The following ADAM2 variants were observed in gnomAD, a reference collection of about 807,000 sequenced individuals.
The protein encoded by ADAM2 is disintegrin and metalloproteinase domain-containing protein 2.
Under a neutral mutation model 99.3 loss-of-function variants are expected in ADAM2, and 101 were observed. The ratio of observed to expected loss-of-function variants is 1.02; its 90% confidence interval spans 0.87 to 1.20. ADAM2 has a LOEUF of 1.20. Among genes scored for constraint, ADAM2 ranks in the 50% most tolerant of loss-of-function variants. ADAM2 has a pLI of 0.00. For missense variants in ADAM2, 948 were observed against 878.7 expected (o/e 1.08, Z -1.00); for synonymous variants, 323 against 287.6 (o/e 1.12, Z -1.25).
In ADAM2 at chr8:39,766,997, T is replaced by C; in HGVS notation, c.1358A>G (p.Asp453Gly). The C allele has an allele frequency of 6.2e-7, 1 of 1,614,064 alleles. No individual in the cohort carries two copies. Among genetic ancestry groups the C allele is most frequent in the Middle Eastern group, 1.6e-4 (1 of 6,062 alleles). Residue 453 changes from aspartate to glycine, a missense_variant, in exon 14 of 21, where the codon GAC (aspartate) becomes GGC (glycine). Physicochemically the swap from Asp to Gly is moderately conservative, Grantham distance 94. Transcript: ENST00000265708. The part of the protein sequence containing the change: ...RMCRPSFEEC[D>G]LPEYCNGSSA... Reference sequence around the variant, plus strand: ...TGATCCATTGCAATATTCAGGGAGGTCGCATTCTTCAAAGGAAGGCCTACA... The same window carrying C: ...TGATCCATTGCAATATTCAGGGAGGCCGCATTCTTCAAAGGAAGGCCTACA...
At chr8:39,754,680 C>G (rs1273173509) in intron 16 of ADAM2, among the ~76,000 whole-genome samples, 1 of 152,146 alleles carries the variant, frequency 6.6e-6, no homozygotes, top group Non-Finnish European at 1.5e-5. Flanking sequence ...GTAAAGTTAG[C>G]ATAGTTTTCC....
At chr8:39,784,023 G>GTTTTTGGTTTTGGTTT (rs1477245528) in intron 10 of ADAM2, among the ~76,000 whole-genome samples, 1 of 152,070 alleles carries the variant, frequency 6.6e-6, no homozygotes, top group Non-Finnish European at 1.5e-5. Flanking sequence ...AAAACTACTT[G>GTTTTTGGTTTTGGTTT]TGCTGTGGTT....
rs780979260 is a variant in ADAM2 at position 39,824,774 on chromosome 8, T to C, written c.267+45A>G. The C allele has an allele frequency of 1.4e-5, 14 of 993,110 alleles. No homozygotes were observed. In the East Asian group the frequency reaches 3.1e-4, roughly 22 times the overall value. The allele number at this position is 993,110 out of a possible 1,614,324, so 61.5% of individuals were successfully genotyped here. On this transcript the variant is annotated intron_variant, in intron 4 of 20. Coordinates refer to ENST00000265708, the MANE Select transcript of ADAM2 (RefSeq NM_001464.5). ...ATGTGGACACTAAATAAGGTGATCA[T>C]AGACACTCACATGACAAAAATAAAA...
intron 7 of ADAM2, among the ~76,000 whole-genome samples, chr8:39,794,373 C>T (rs908101927): frequency 6.6e-6 from 1 of 152,082 alleles, no homozygotes; most frequent in Non-Finnish European, 1.5e-5. Flanking sequence ...TTCATGTACA[C>T]TTGTTTGTGG....
chr8:39,836,926 G>A (rs1805847047), intron 2 of ADAM2, among the ~76,000 whole-genome samples: 1 of 152,138 alleles, frequency 6.6e-6, no homozygotes, highest in Non-Finnish European at 1.5e-5. Flanking sequence ...AATGGACTTG[G>A]GGCTTTGATA....
intron 6 of ADAM2, among the ~76,000 whole-genome samples, chr8:39,812,489 C>G (rs1490180184): frequency 5.3e-5 from 8 of 152,076 alleles, no homozygotes; most frequent in South Asian, 2.1e-4. Flanking sequence ...GCCAAAAGAA[C>G]AAAGCTGGAG....
At chr8:39,831,299 T>A (rs1426775213) in intron 3 of ADAM2, among the ~76,000 whole-genome samples, 2 of 152,086 alleles carry the variant, frequency 1.3e-5, no homozygotes, top group Non-Finnish European at 2.9e-5. Context: ...AGCAGCCCTA[T>A]TATTATGGAA....
chr8:39,765,004 C>G (rs935227608), intron 14 of ADAM2, among the ~76,000 whole-genome samples: 9 of 151,172 alleles, frequency 6.0e-5, no homozygotes, highest in Non-Finnish European at 7.4e-5. Context: ...GCCTGAGCGA[C>G]AGAGCAAGAC....
chr8:39,744,984 A>C, intron 19 of ADAM2, 91 bp from the exon 20 acceptor site: 1 of 997,140 alleles, frequency 1.0e-6, no homozygotes, highest in Non-Finnish European at 1.5e-6. Flanking sequence ...ACAGTTCTGA[A>C]TTTTTACCTA....
chr8:39,779,605 C>G (rs1803138216), intron 10 of ADAM2, among the ~76,000 whole-genome samples: 1 of 152,104 alleles, frequency 6.6e-6, no homozygotes, highest in South Asian at 2.1e-4. Context: ...ATATTTAACA[C>G]TGAATTTAAA....
At chr8:39,819,671 A>G (rs996594740) in intron 6 of ADAM2, among the ~76,000 whole-genome samples, 1 of 152,168 alleles carries the variant, frequency 6.6e-6, no homozygotes, top group Non-Finnish European at 1.5e-5. Flanking sequence ...GAATTCTGCC[A>G]GCAGACTATG....
chr8:39,792,569 G>A, intron 7 of ADAM2, among the ~76,000 whole-genome samples: 1 of 151,990 alleles, frequency 6.6e-6, no homozygotes, highest in South Asian at 2.1e-4. Context: ...AATGCCTTGT[G>A]AAGTTAGGCC....
intron 14 of ADAM2, among the ~76,000 whole-genome samples, chr8:39,764,950 G>A (rs2129583977): frequency 6.6e-6 from 1 of 152,144 alleles, no homozygotes; most frequent in South Asian, 2.1e-4. Flanking sequence ...TGGAACACGG[G>A]AGGTGAAGGT....
intron 10 of ADAM2, among the ~76,000 whole-genome samples, chr8:39,778,018 T>C (rs1803068147): frequency 1.4e-5 from 2 of 147,890 alleles, no homozygotes; most frequent in East Asian, 2.0e-4. Context: ...TTTATATTTA[T>C]ATAATTTTAA....
At chr8:39,788,560 A>C in intron 8 of ADAM2, 109 bp downstream of exon 8, 1 of 723,422 alleles carries the variant, frequency 1.4e-6, no homozygotes, top group African/African-American at 1.9e-5. Context: ...AATAAAACTT[A>C]ATTTCCCTTA....
chr8:39,769,943 C>CT (rs1563346039), intron 11 of ADAM2, among the ~76,000 whole-genome samples: 2 of 102,084 alleles, frequency 2.0e-5, no homozygotes, highest in South Asian at 4.2e-4. Flanking sequence ...TCTTTTTTTT[C>CT]TTTTTTCTTT....
chr8:39,766,072 C>T lies in ADAM2; in HGVS notation c.1507+776G>A, dbSNP rs186233872. Among the ~76,000 whole-genome samples, 24 of 152,294 alleles carry T rather than the reference C, an allele frequency of 1.6e-4. No individual in the cohort carries two copies. The East Asian group carries it at 3.5e-3, about 22-fold the overall frequency. The stretch of plus-strand genomic sequence containing the variant: ...TTTAACGTCAGTGCACATCATCCCT[C>T]AATAACTTCAGAGTCCCTGGATTTT... On this transcript the variant is annotated intron_variant, in intron 14 of 20. Coordinates refer to ENST00000265708, the MANE Select transcript of ADAM2 (RefSeq NM_001464.5).
chr8:39,822,880 T>A (rs981524007), intron 4 of ADAM2, among the ~76,000 whole-genome samples: 1 of 152,164 alleles, frequency 6.6e-6, no homozygotes, highest in Non-Finnish European at 1.5e-5. Context: ...GTGATTCTCC[T>A]GCCTCAGCCT....
At position 39,777,000 on chromosome 8, in the gene ADAM2, A is replaced by G. The variant is rs536172942; in HGVS notation, c.1028+25T>C. ...TAAAATTACATTAAACTATATATGTAAAGTATAAAAGTCAGAAATCTTACA... is the reference window on the plus strand; with the variant it reads ...TAAAATTACATTAAACTATATATGTGAAGTATAAAAGTCAGAAATCTTACA... On this transcript the variant is annotated intron_variant, in intron 11 of 20. Transcript: ENST00000265708. 2.7e-5 allele frequency: 37 copies of G among 1,377,956 alleles called. No individual in the cohort carries two copies. In the African/African-American group the frequency reaches 4.3e-4, roughly 16 times the overall value. The allele number at this position is 1,377,956 out of a possible 1,614,324, so 85.4% of individuals were successfully genotyped here.
Sources: allele counts gnomAD v4.1 joint callset (sites outside exome capture counted in the v4.1 genomes callset), GRCh38; gene constraint gnomAD v4.1.1; transcripts MANE v1.5; gene names NCBI Gene and HGNC (gene_info 2026-07-23, HGNC 2026-07-21).